Variants in ADGRL3 observed in about 807,000 individuals in gnomAD.
ADGRL3 encodes adhesion G protein-coupled receptor L3.
A neutral mutation model predicts 153.5 loss-of-function variants in ADGRL3; 62 were observed. The observed-to-expected ratio is 0.40, with a 90% CI of 0.33 to 0.50. ADGRL3 has a LOEUF of 0.50. Among genes scored for constraint, ADGRL3 ranks in the 20% least tolerant of loss-of-function variants. ADGRL3 has a pLI of 0.47. For synonymous variants in ADGRL3, 710 were observed against 672.5 expected, an observed-to-expected ratio of 1.06 and a Z score of -0.86; for missense variants, 1,641 against 1,859.4, an observed-to-expected ratio of 0.88 and a Z score of 2.16.
At chr4:61,852,952 T>C (rs1363029771) in intron 9 of ADGRL3, among the ~76,000 whole-genome samples, 1 of 152,150 alleles carries the variant, frequency 6.6e-6, no homozygotes, top group Non-Finnish European at 1.5e-5. Flanking sequence ...ACTTTAGTGC[T>C]ATAGAGGTGT....
At chr4:61,368,312 T>A (rs2096448863) in intron 1 of ADGRL3, among the ~76,000 whole-genome samples, 1 of 152,218 alleles carries the variant, frequency 6.6e-6, no homozygotes, top group South Asian at 2.1e-4. Context: ...CATGCCTATG[T>A]CCTGAATGGT....
chr4:61,492,953 G>A (rs1418965240), intron 2 of ADGRL3, among the ~76,000 whole-genome samples: 5 of 152,064 alleles, frequency 3.3e-5, no homozygotes, highest in Admixed American at 3.3e-4. Flanking sequence ...TGGATATTGT[G>A]AAGAATAGTG....
intron 4 of ADGRL3, among the ~76,000 whole-genome samples, chr4:61,585,515 A>C (rs1198563208): frequency 6.6e-6 from 1 of 152,008 alleles, no homozygotes; most frequent in African/African-American, 2.4e-5. Context: ...AAGCCACAAG[A>C]GAAGCACATA....
intron 1 of ADGRL3, among the ~76,000 whole-genome samples, chr4:61,246,547 A>C (rs1757161426): frequency 6.6e-6 from 1 of 152,030 alleles, no homozygotes; most frequent in African/African-American, 2.4e-5. Flanking sequence ...TTTAGGTTGA[A>C]ACTTAGCAAT....
At chr4:61,719,969 C>T (rs1443947457) in intron 6 of ADGRL3, among the ~76,000 whole-genome samples, 1 of 151,972 alleles carries the variant, frequency 6.6e-6, no homozygotes, top group Non-Finnish European at 1.5e-5. Context: ...AACATTGTGC[C>T]TTGTAAGTCT....
chr4:61,303,267 T>C (rs762234505), intron 1 of ADGRL3, among the ~76,000 whole-genome samples: 2 of 152,188 alleles, frequency 1.3e-5, no homozygotes, highest in African/African-American at 4.8e-5. Context: ...TGTGTGGTTT[T>C]CAGTGGGCAA....
chr4:61,474,985 A>G (rs983129961), intron 2 of ADGRL3, among the ~76,000 whole-genome samples: 17 of 152,160 alleles, frequency 1.1e-4, no homozygotes, highest in African/African-American at 3.6e-4. Flanking sequence ...AAAATGATTA[A>G]TCTCTCACCA....
At chr4:61,690,788 G>T (rs2095526535) in intron 6 of ADGRL3, among the ~76,000 whole-genome samples, 2 of 151,966 alleles carry the variant, frequency 1.3e-5, no homozygotes, top group East Asian at 1.9e-4. Flanking sequence ...GAGTCTAATA[G>T]AAACTTTTAA....
At chr4:61,217,608 C>G (rs557818697) in intron 1 of ADGRL3, among the ~76,000 whole-genome samples, 2 of 152,280 alleles carry the variant, frequency 1.3e-5, no homozygotes, top group East Asian at 3.9e-4. Flanking sequence ...AGAAAATAAA[C>G]TCTCTGTTGA....
At chr4:61,535,149 A>C (rs1315631501) in intron 4 of ADGRL3, among the ~76,000 whole-genome samples, 3 of 151,984 alleles carry the variant, frequency 2.0e-5, no homozygotes, top group Non-Finnish European at 4.4e-5. Flanking sequence ...AAAACCAAGA[A>C]GGGATGTTGG....
At chr4:61,998,375 A>G (rs1323065373) in intron 21 of ADGRL3, 110 bp downstream of exon 21, 1 of 496,472 alleles carries the variant, frequency 2.0e-6, no homozygotes, top group Non-Finnish European at 3.5e-6. Flanking sequence ...ATATGGGTGT[A>G]TTGTCTTTGC....
chr4:61,983,401 G>T lies in ADGRL3; in HGVS notation c.3034G>T (p.Ala1012Ser). The change falls in exon 19 of 27, where the codon GCT becomes TCT. Residue 1012 changes from alanine (A) to serine (S), a missense_variant. Ala to Ser is a moderately conservative substitution (Grantham distance 99, BLOSUM62 1). Transcript: ENST00000683033. ...TDQPIACAVF[A>S]ALLHFFFLAA... ...TTCCTAGATTGCCTGTGCTGTTTTC[G>T]CTGCCCTGTTACATTTCTTCTTCTT... 1.2e-6 allele frequency: 2 copies of T among 1,613,514 alleles called. No homozygotes were observed. The highest frequency in any genetic ancestry group is 1.7e-6 in the Non-Finnish European group (2 of 1,179,702).
chr4:61,547,264 G>GT (rs987426888), intron 4 of ADGRL3, among the ~76,000 whole-genome samples: 7 of 149,728 alleles, frequency 4.7e-5, no homozygotes, highest in Admixed American at 1.3e-4. Flanking sequence ...GGGTTTTTTG[G>GT]TTTTTTTTAC....
At chr4:61,528,621 AC>A (rs2098592086) in intron 4 of ADGRL3, among the ~76,000 whole-genome samples, 1 of 152,118 alleles carries the variant, frequency 6.6e-6, no homozygotes, top group East Asian at 1.9e-4. Context: ...AGGCTAAGAG[AC>A]CAAGGTGCCA....
chr4:61,258,059 AT>A (rs2092160598), intron 1 of ADGRL3, among the ~76,000 whole-genome samples: 1 of 152,212 alleles, frequency 6.6e-6, no homozygotes, highest in Admixed American at 6.5e-5. Context: ...CAGGACTAAT[AT>A]TTTTTAAACC....
At chr4:61,404,286 C>A (rs1047556499) in intron 2 of ADGRL3, among the ~76,000 whole-genome samples, 4 of 152,016 alleles carry the variant, frequency 2.6e-5, no homozygotes, top group African/African-American at 9.6e-5. Flanking sequence ...ATACAATAAA[C>A]CAATCTAACC....
chr4:61,393,338 C>A (rs2096835015), intron 2 of ADGRL3, among the ~76,000 whole-genome samples: 1 of 152,048 alleles, frequency 6.6e-6, no homozygotes, highest in Non-Finnish European at 1.5e-5. Flanking sequence ...TGGTGCCTGA[C>A]AGAAATCCAC....
chr4:61,871,203 A>G (rs542441877), intron 9 of ADGRL3, among the ~76,000 whole-genome samples: 57 of 152,014 alleles, frequency 3.7e-4, no homozygotes, highest in African/African-American at 1.2e-3. Context: ...GCGTGAACCC[A>G]GGAGGCGGAG....
chr4:61,975,586 G>C (rs2099045060), intron 17 of ADGRL3, among the ~76,000 whole-genome samples: 1 of 152,238 alleles, frequency 6.6e-6, no homozygotes, highest in African/African-American at 2.4e-5. Flanking sequence ...AATGTCGTGT[G>C]ACTTATATAT....
Sources: allele counts gnomAD v4.1 joint callset (sites outside exome capture counted in the v4.1 genomes callset), GRCh38; gene constraint gnomAD v4.1.1; transcripts MANE v1.5; gene names NCBI Gene and HGNC (gene_info 2026-07-23, HGNC 2026-07-21).